Variants in UGGT1 observed in about 807,000 individuals in gnomAD.
The protein encoded by UGGT1 is UDP-glucose:glycoprotein glucosyltransferase 1.
A neutral mutation model predicts 203.9 loss-of-function variants in UGGT1; 107 were observed. That is an observed-to-expected ratio of 0.52 (90% CI 0.45 to 0.62). The LOEUF is 0.62. UGGT1 is among the 20% of genes least tolerant of loss of function. The probability of loss-of-function intolerance (pLI) is 0.00; values close to 1 mark genes in which losing one functional copy is unlikely to be tolerated. For missense variants in UGGT1, 1,673 were observed against 1,867.2 expected, an observed-to-expected ratio of 0.90 and a Z score of 1.92; for synonymous variants, 628 against 653.5, an observed-to-expected ratio of 0.96 and a Z score of 0.59.
intron 26 of UGGT1, among the ~76,000 whole-genome samples, chr2:128,167,048 T>G (rs1335090176): frequency 6.6e-6 from 1 of 152,228 alleles, no homozygotes; most frequent in Non-Finnish European, 1.5e-5. Flanking sequence ...AAGATTCTTA[T>G]GGCTCCTGGA....
intron 8 of UGGT1, among the ~76,000 whole-genome samples, chr2:128,118,647 A>G (rs974210116): frequency 1.3e-5 from 2 of 152,154 alleles, no homozygotes; most frequent in Non-Finnish European, 2.9e-5. Context: ...GCACAAAGGT[A>G]TTATCAAGAA....
intron 14 of UGGT1, 61 bp downstream of exon 14, chr2:128,133,321 T>A: frequency 1.3e-6 from 2 of 1,591,072 alleles, no homozygotes; most frequent in South Asian, 2.2e-5. Context: ...TCCCTCTTTT[T>A]TTGTCATGTA....
At chr2:128,148,228 AT>A (rs1689784133) in intron 18 of UGGT1, among the ~76,000 whole-genome samples, 1 of 151,926 alleles carries the variant, frequency 6.6e-6, no homozygotes, top group Admixed American at 6.6e-5. Context: ...CACCCAACTA[AT>A]TTTTATATTT....
At chr2:128,098,007 G>C (rs935729166) in intron 2 of UGGT1, among the ~76,000 whole-genome samples, 2 of 152,080 alleles carry the variant, frequency 1.3e-5, no homozygotes, top group Non-Finnish European at 2.9e-5. Flanking sequence ...GATCACGGAA[G>C]TGCCCCACCA....
rs193102403 is a variant in UGGT1, at chr2:128,124,166, T to C, written c.1134+920T>C. Among the ~76,000 whole-genome samples the C allele has an allele frequency of 2.9e-3, 442 of 152,266 alleles. 4 individuals carry two copies. Among genetic ancestry groups the C allele is most frequent in the African/African-American group, 0.01 (424 of 41,560 alleles). ...TTTCACCGTGTTAGCCAGGATAGTCTCGATCTCCTGACCTCATGATCCACC... is the reference window on the plus strand; with the variant it reads ...TTTCACCGTGTTAGCCAGGATAGTCCCGATCTCCTGACCTCATGATCCACC... On this transcript the variant is annotated intron_variant, in intron 11 of 40. Coordinates refer to ENST00000259253, the MANE Select transcript of UGGT1 (RefSeq NM_020120.4).
Position 128,122,475 on chromosome 2 carries a change from A to G in UGGT1, c.1074-711A>G, listed in dbSNP as rs560572436. Among the ~76,000 whole-genome samples, 3 of 151,966 alleles carry G rather than the reference A, an allele frequency of 2.0e-5. No individual in the cohort carries two copies. The South Asian group carries it at 6.2e-4, about 32-fold the overall frequency. ...CTTGAACCCGGGAGGTGAAGGTTAC[A>G]GTGAGCCAAGATCATGCCATTGCAC... On this transcript the variant is annotated intron_variant, in intron 10 of 40. Coordinates refer to ENST00000259253, the MANE Select transcript of UGGT1 (RefSeq NM_020120.4).
chr2:128,100,586 T>A lies in UGGT1; in HGVS notation c.194+3022T>A, dbSNP rs574867230. Among the ~76,000 whole-genome samples the A allele has an allele frequency of 2.7e-4, 41 of 150,384 alleles. No individual in the cohort carries two copies. The South Asian group carries it at 8.6e-3, about 32-fold the overall frequency. On this transcript the variant is annotated intron_variant, in intron 2 of 40. Transcript: ENST00000259253. ...CAAGTCCGGCTAATTTTGTATTTTT[T>A]TTTTTTTTTTTTTTTAGTAGCGATG...
intron 5 of UGGT1, among the ~76,000 whole-genome samples, chr2:128,110,339 T>A (rs1243861831): frequency 1.3e-5 from 2 of 151,846 alleles, no homozygotes; most frequent in African/African-American, 2.4e-5. Context: ...CTCCGTGGGG[T>A]TGGCCGGCCC....
intron 11 of UGGT1, 148 bp downstream of exon 11, chr2:128,123,394 T>C (rs767299991): frequency 4.0e-6 from 3 of 756,496 alleles, no homozygotes; most frequent in Middle Eastern, 3.8e-4. Context: ...GCATTTTTAG[T>C]TTTTAATGAA....
At chr2:128,176,720 T>G in intron 31 of UGGT1, 94 bp from the exon 32 acceptor site, 2 of 1,208,406 alleles carry the variant, frequency 1.7e-6, no homozygotes, top group Non-Finnish European at 2.4e-6. Context: ...GAAAACTCCT[T>G]TATGAGAAGG....
chr2:128,134,762 C>G, intron 14 of UGGT1, 114 bp from the exon 15 acceptor site: 1 of 817,362 alleles, frequency 1.2e-6, no homozygotes, highest in Middle Eastern at 2.2e-4. Context: ...TTATGTGGTT[C>G]AAGCGTAGCT....
At chr2:128,105,080 A>T (rs964824321) in intron 3 of UGGT1, among the ~76,000 whole-genome samples, 11 of 150,992 alleles carry the variant, frequency 7.3e-5, no homozygotes, top group African/African-American at 2.7e-4. Context: ...ATGAGGTCTC[A>T]CTGTGTTGCC....
At chr2:128,162,347 A>T (rs1021917150) in intron 25 of UGGT1, among the ~76,000 whole-genome samples, 18 of 151,558 alleles carry the variant, frequency 1.2e-4, no homozygotes, top group Admixed American at 2.6e-4. Context: ...TAGTTGGAGG[A>T]TATAAAATTT....
intron 20 of UGGT1, among the ~76,000 whole-genome samples, chr2:128,156,144 C>T (rs965822346): frequency 1.3e-5 from 2 of 152,200 alleles, no homozygotes; most frequent in African/African-American, 4.8e-5. Flanking sequence ...TAAATCCCCG[C>T]TGTGGTCTCT....
intron 36 of UGGT1, among the ~76,000 whole-genome samples, chr2:128,181,588 C>G (rs566333762): frequency 3.3e-5 from 5 of 152,162 alleles, no homozygotes; most frequent in Non-Finnish European, 7.3e-5. Context: ...TCAGCCCGAG[C>G]GGGCGGAAAC....
rs1003113781 is a variant in UGGT1 at position 128,155,727 on chromosome 2, G to T, written c.2236+140G>T. ...TATTTCTTATAAAGCTTTGAGTCTA[G>T]AACATATCTATTTAAAGTTTAATTC... On this transcript the variant is annotated intron_variant, in intron 20 of 40. Coordinates refer to ENST00000259253, the MANE Select transcript of UGGT1 (RefSeq NM_020120.4). The T allele has an allele frequency of 5.4e-6, 3 of 553,150 alleles. No homozygotes were observed. The Admixed American group carries it at 1.1e-4, about 20-fold the overall frequency. 34.3% of individuals were successfully genotyped at this position (553,150 alleles called of 1,614,324 possible). A position where few individuals can be genotyped will look rare whatever the true frequency, so the allele number is the denominator to read the frequency against.
chr2:128,103,829 A>G (rs1176658988), intron 2 of UGGT1, 103 bp from the exon 3 acceptor site: 2 of 692,342 alleles, frequency 2.9e-6, no homozygotes, highest in Non-Finnish European at 4.6e-6. Flanking sequence ...AAGTCAAACT[A>G]TGGACATTTG....
At chr2:128,187,737 A>G (rs1260960689) in intron 40 of UGGT1, 123 bp downstream of exon 40, 3 of 1,078,040 alleles carry the variant, frequency 2.8e-6, no homozygotes, top group Admixed American at 3.2e-5. Context: ...CTTCCATTCT[A>G]ACATCAACCA....
intron 35 of UGGT1, among the ~76,000 whole-genome samples, chr2:128,180,122 C>G (rs1404861101): frequency 6.6e-6 from 1 of 152,162 alleles, no homozygotes; most frequent in African/African-American, 2.4e-5. Context: ...CAGTGTCTTA[C>G]TGAGATAACG....
Sources: allele counts gnomAD v4.1 joint callset (sites outside exome capture counted in the v4.1 genomes callset), GRCh38; gene constraint gnomAD v4.1.1; transcripts MANE v1.5; gene names NCBI Gene and HGNC (gene_info 2026-07-23, HGNC 2026-07-21).